The following NXPE2 variants were observed in gnomAD, a reference collection of about 807,000 sequenced individuals.
NXPE2 encodes NXPE family member 2.
A neutral mutation model predicts 34.4 loss-of-function variants in NXPE2; 34 were observed. The observed-to-expected ratio is 0.99, with a 90% CI of 0.75 to 1.31. The LOEUF is 1.31. Among genes scored for constraint, NXPE2 ranks in the 40% most tolerant of loss-of-function variants. NXPE2 has a pLI of 0.00. For missense variants in NXPE2, 649 were observed against 672.5 expected (o/e 0.97, Z 0.39); for synonymous variants, 235 against 231.3 (o/e 1.02, Z -0.15).
chr11:114,628,143 T>C, the NXPE2 span, among the ~76,000 whole-genome samples: 4 of 143,288 alleles, frequency 2.8e-5, no homozygotes, highest in Non-Finnish European at 6.0e-5. Flanking sequence ...TACCCAAGAA[T>C]TGAACTCAGC....
At chr11:114,727,607 T>A in the NXPE2 span, among the ~76,000 whole-genome samples, 70,955 of 151,884 alleles carry the variant, frequency 0.47, 17,192 homozygotes, top group African/African-American at 0.6. Flanking sequence ...ACAACTTATA[T>A]TAAAAATTGG....
At chr11:114,571,767 C>T in the NXPE2 span, among the ~76,000 whole-genome samples, 1 of 152,160 alleles carries the variant, frequency 6.6e-6, no homozygotes, top group Non-Finnish European at 1.5e-5. Flanking sequence ...AGAACTGCCA[C>T]AGGAACATAC....
At chr11:114,583,491 A>T in the NXPE2 span, 3 of 634,534 alleles carry the variant, frequency 4.7e-6, no homozygotes, top group South Asian at 2.8e-5. Flanking sequence ...TGCTCCATCT[A>T]TCCAGATTAC....
the NXPE2 span, among the ~76,000 whole-genome samples, chr11:114,595,184 T>G: frequency 6.6e-6 from 1 of 152,194 alleles, no homozygotes; most frequent in Non-Finnish European, 1.5e-5. Context: ...CAGTGCCTGT[T>G]GAATGCAAAT....
the NXPE2 span, among the ~76,000 whole-genome samples, chr11:114,659,344 C>T: frequency 3.3e-5 from 5 of 151,772 alleles, no homozygotes; most frequent in South Asian, 2.1e-4. Flanking sequence ...GATGAAGTAT[C>T]GTTTTGATGG....
chr11:114,680,441 A>G (rs994916650), intron 2 of NXPE2, among the ~76,000 whole-genome samples: 10 of 152,106 alleles, frequency 6.6e-5, no homozygotes, highest in African/African-American at 1.9e-4. Flanking sequence ...TAGGGCATTC[A>G]GCCGGTAATA....
the NXPE2 span, among the ~76,000 whole-genome samples, chr11:114,598,698 G>A: frequency 3.3e-5 from 5 of 152,020 alleles, no homozygotes; most frequent in Non-Finnish European, 7.4e-5. Flanking sequence ...GGAGCAGCTG[G>A]GATGCAGGGA....
the NXPE2 span, among the ~76,000 whole-genome samples, chr11:114,798,614 CCTCGTGAT>C: frequency 6.6e-6 from 1 of 152,212 alleles, no homozygotes; most frequent in Admixed American, 6.5e-5. Flanking sequence ...GAACTCCTGA[CCTCGTGAT>C]CCTCCCGCCT....
chr11:114,739,028 C>T, the NXPE2 span, among the ~76,000 whole-genome samples: 11 of 152,060 alleles, frequency 7.2e-5, no homozygotes, highest in African/African-American at 2.7e-4. Flanking sequence ...AAGTAGAAGA[C>T]AAATGACTTA....
the NXPE2 span, among the ~76,000 whole-genome samples, chr11:114,486,161 G>A: frequency 6.6e-6 from 1 of 151,992 alleles, no homozygotes; most frequent in African/African-American, 2.4e-5. Context: ...ATTTTTTATT[G>A]CCTGTGTTTT....
At chr11:114,625,448 C>T in the NXPE2 span, among the ~76,000 whole-genome samples, 1 of 152,114 alleles carries the variant, frequency 6.6e-6, no homozygotes. Flanking sequence ...TAAGTATTGC[C>T]TCTTGGGTAA....
chr11:114,699,986 G>A (rs1265752617), intron 3 of NXPE2, among the ~76,000 whole-genome samples: 1 of 151,994 alleles, frequency 6.6e-6, no homozygotes, highest in Non-Finnish European at 1.5e-5. Flanking sequence ...TAGAGACAGG[G>A]TTTTACCATG....
At chr11:114,506,431 T>G in the NXPE2 span, among the ~76,000 whole-genome samples, 1 of 152,214 alleles carries the variant, frequency 6.6e-6, no homozygotes, top group Non-Finnish European at 1.5e-5. Context: ...GAATATATAT[T>G]ATTTTCATTG....
At chr11:114,543,918 T>C in the NXPE2 span, among the ~76,000 whole-genome samples, 1 of 152,202 alleles carries the variant, frequency 6.6e-6, no homozygotes, top group Non-Finnish European at 1.5e-5. Flanking sequence ...TAAAATTTAA[T>C]TGTTTTGCTA....
chr11:114,759,737 A>G, the NXPE2 span, among the ~76,000 whole-genome samples: 8 of 152,156 alleles, frequency 5.3e-5, no homozygotes, highest in African/African-American at 1.9e-4. Context: ...ATTTTATGTA[A>G]TTTTGTCAGT....
chr11:114,696,580 C>G (rs1197201035), intron 2 of NXPE2, among the ~76,000 whole-genome samples: 2 of 152,006 alleles, frequency 1.3e-5, no homozygotes, highest in Non-Finnish European at 2.9e-5. Context: ...GACAGTTCAT[C>G]CAAAATACAT....
the NXPE2 span, among the ~76,000 whole-genome samples, chr11:114,616,374 C>G: frequency 1.3e-5 from 2 of 151,306 alleles, no homozygotes; most frequent in African/African-American, 2.4e-5. Context: ...CCACTGTTAC[C>G]CAGTGGAAAA....
the NXPE2 span, among the ~76,000 whole-genome samples, chr11:114,747,692 G>A: frequency 6.6e-6 from 1 of 152,094 alleles, no homozygotes; most frequent in African/African-American, 2.4e-5. Context: ...ACTATTATGA[G>A]AACCATGCGG....
chr11:114,628,380 T>C, the NXPE2 span, among the ~76,000 whole-genome samples: 1 of 152,108 alleles, frequency 6.6e-6, no homozygotes, highest in African/African-American at 2.4e-5. Context: ...TCAAAACCAC[T>C]GAACTACATG....
Sources: gnomAD v4.1 joint callset for allele counts (sites outside exome capture counted in the v4.1 genomes callset) on GRCh38, gnomAD v4.1.1 for gene constraint, MANE v1.5 for transcripts, NCBI Gene and HGNC (gene_info 2026-07-23, HGNC 2026-07-21) for gene names.